Variants in NDUFAF6 observed in about 807,000 individuals in gnomAD.
The protein encoded by NDUFAF6 is NADH:ubiquinone oxidoreductase complex assembly factor 6, also known as NADH dehydrogenase (ubiquinone) complex I, assembly factor 6.
NDUFAF6 carries 45 observed loss-of-function variants against 40.8 expected under a neutral mutation model. The observed-to-expected ratio is 1.10, with a 90% CI of 0.87 to 1.42. NDUFAF6 has a LOEUF of 1.42. NDUFAF6 is among the 40% of genes most tolerant of loss of function. The pLI, the probability that NDUFAF6 is intolerant of heterozygous loss-of-function variation, is 0.00. For synonymous variants in NDUFAF6, 185 were observed against 155.9 expected (o/e 1.19, Z -1.39); for missense variants, 435 against 418.5 (o/e 1.04, Z -0.34).
chr8:95,116,041 G>T (rs1273743323), intron 5 of NDUFAF6, among the ~76,000 whole-genome samples: 1 of 152,132 alleles, frequency 6.6e-6, no homozygotes, highest in Non-Finnish European at 1.5e-5. Flanking sequence ...GGGAGGCTGA[G>T]GCGGAAGAAT....
At chr8:95,058,897 A>G (rs1007555960), downstream of NDUFAF6, among the ~76,000 whole-genome samples, 11 of 152,130 alleles carry the variant, frequency 7.2e-5, no homozygotes, top group African/African-American at 1.2e-4. Flanking sequence ...CCAAAAATAC[A>G]TAAACTAGCC....
At chr8:94,907,266 A>G (rs1285144186) in intron 1 of NDUFAF6, among the ~76,000 whole-genome samples, 2 of 152,208 alleles carry the variant, frequency 1.3e-5, no homozygotes, top group African/African-American at 4.8e-5. Context: ...TAAGTTTTCA[A>G]TGTGAATGTA....
intron 2 of NDUFAF6, among the ~76,000 whole-genome samples, chr8:95,102,392 A>C (rs1371597883): frequency 6.6e-6 from 1 of 152,224 alleles, no homozygotes; most frequent in Non-Finnish European, 1.5e-5. Context: ...GGAATAGCAG[A>C]TTTAAGGAGT....
chr8:95,096,389 C>T (rs1809466045), upstream of NDUFAF6, among the ~76,000 whole-genome samples: 1 of 152,198 alleles, frequency 6.6e-6, no homozygotes, highest in Admixed American at 6.5e-5. Flanking sequence ...GGGCAAGTCA[C>T]TGGCCAGGAC....
At chr8:94,959,777 T>C (rs1272249663) in intron 1 of NDUFAF6, among the ~76,000 whole-genome samples, 1 of 152,206 alleles carries the variant, frequency 6.6e-6, no homozygotes, top group African/African-American at 2.4e-5. Flanking sequence ...TGGGCTCAAG[T>C]GATCCTCTCG....
At chr8:94,999,526 C>G (rs1256138671) in intron 2 of NDUFAF6, among the ~76,000 whole-genome samples, 1 of 152,132 alleles carries the variant, frequency 6.6e-6, no homozygotes, top group Non-Finnish European at 1.5e-5. Flanking sequence ...AAGCAATTCT[C>G]TGGCCTCAGC....
In NDUFAF6 at chr8:95,064,966, A is replaced by G. The variant is rs560042427; in HGVS notation, c.*512-10667A>G. Among the ~76,000 whole-genome samples, 6 of 152,280 alleles carry G rather than the reference A, an allele frequency of 3.9e-5. No homozygotes were observed. In the East Asian group the frequency reaches 1.2e-3, roughly 29 times the overall value. ...AATGAAGTCTCCATAAAAGGCCAAGAGAACAGGGTTTGGAATGTCCAGATA... is the reference window on the plus strand; with the variant it reads ...AATGAAGTCTCCATAAAAGGCCAAGGGAACAGGGTTTGGAATGTCCAGATA... On this transcript the variant is annotated intron_variant and NMD_transcript_variant, in intron 9 of 9. Transcript: ENST00000520757.
chr8:95,037,998 C>T (rs1829700836), intron 3 of NDUFAF6, among the ~76,000 whole-genome samples: 1 of 152,178 alleles, frequency 6.6e-6, no homozygotes, highest in Non-Finnish European at 1.5e-5. Flanking sequence ...ATCCTCTTGC[C>T]TCAGCCTCCT....
chr8:94,977,900 A>G (rs1825104058), intron 1 of NDUFAF6, among the ~76,000 whole-genome samples: 1 of 152,146 alleles, frequency 6.6e-6, no homozygotes, highest in African/African-American at 2.4e-5. Flanking sequence ...ATAATAAAAC[A>G]TATCAGTGGT....
intron 4 of NDUFAF6, among the ~76,000 whole-genome samples, 168 bp downstream of exon 4, chr8:95,041,794 C>T (rs1228880765): frequency 6.6e-6 from 1 of 152,142 alleles, no homozygotes; most frequent in Non-Finnish European, 1.5e-5. Flanking sequence ...ACCCCCCATA[C>T]CCTCACATTG....
intron 1 of NDUFAF6, among the ~76,000 whole-genome samples, chr8:94,914,514 A>G (rs547797805): frequency 2.0e-5 from 3 of 152,212 alleles, no homozygotes; most frequent in Non-Finnish European, 4.4e-5. Context: ...CACACCCCAG[A>G]ATAGTCAGCC....
At chr8:95,021,537 G>A (rs987234602), upstream of NDUFAF6, among the ~76,000 whole-genome samples, 1 of 152,074 alleles carries the variant, frequency 6.6e-6, no homozygotes, top group Admixed American at 6.6e-5. Flanking sequence ...TTCTTGGCAC[G>A]TGCTACTGGT....
intron 2 of NDUFAF6, among the ~76,000 whole-genome samples, chr8:94,995,648 T>C (rs114401280): frequency 0.01 from 1,538 of 152,170 alleles, 26 homozygotes; most frequent in African/African-American, 0.035. Context: ...AATCGCTTCA[T>C]AGTTTTAAAC....
intron 2 of NDUFAF6, among the ~76,000 whole-genome samples, chr8:94,997,873 A>G (rs1366209992): frequency 6.6e-6 from 1 of 152,214 alleles, no homozygotes; most frequent in Non-Finnish European, 1.5e-5. Flanking sequence ...CCTTTGTTAC[A>G]ATTGCCTTCT....
chr8:95,112,236 C>T (rs1810017556), intron 4 of NDUFAF6, among the ~76,000 whole-genome samples: 1 of 152,182 alleles, frequency 6.6e-6, no homozygotes, highest in Non-Finnish European at 1.5e-5. Flanking sequence ...ATGTTCAAAT[C>T]TGAACCCCCA....
At chr8:95,019,697 T>C (rs1827611159) in intron 2 of NDUFAF6, among the ~76,000 whole-genome samples, 2 of 152,242 alleles carry the variant, frequency 1.3e-5, no homozygotes, top group South Asian at 4.1e-4. Flanking sequence ...TTGCCTCTTC[T>C]TGTTTCTGAG....
chr8:95,082,912 G>T (rs1174585624), intron 2 of NDUFAF6, among the ~76,000 whole-genome samples: 1 of 152,120 alleles, frequency 6.6e-6, no homozygotes, highest in Non-Finnish European at 1.5e-5. Flanking sequence ...CCCCGCCTCG[G>T]CCTCCCAAAG....
In NDUFAF6 at chr8:94,998,998, A is replaced by G. The variant is rs539955743; in HGVS notation, c.-84+18025A>G. Among the ~76,000 whole-genome samples, 7 of 152,214 alleles carry G rather than the reference A, an allele frequency of 4.6e-5. No homozygotes were observed. The South Asian group carries it at 1.5e-3, about 32-fold the overall frequency. On this transcript the variant is annotated intron_variant, in intron 2 of 9. Transcript: ENST00000396111. ...TTCTTGACCACAATCCAGTTAAGAA[A>G]TGTATTTTACACCACCACACAGTGT...
intron 2 of NDUFAF6, among the ~76,000 whole-genome samples, chr8:94,985,721 A>G (rs1825850697): frequency 6.7e-6 from 1 of 148,404 alleles, no homozygotes; most frequent in Non-Finnish European, 1.5e-5. Flanking sequence ...TTTTTAGTAG[A>G]GACAGGGTTT....
Sources: gnomAD v4.1 joint callset for allele counts (sites outside exome capture counted in the v4.1 genomes callset) on GRCh38, gnomAD v4.1.1 for gene constraint, MANE v1.5 for transcripts, NCBI Gene and HGNC (gene_info 2026-07-23, HGNC 2026-07-21) for gene names.